GPR39: variants seen among roughly 807,000 people sequenced by gnomAD.
GPR39 encodes zinc sensing receptor.
Under a neutral mutation model 18.4 loss-of-function variants are expected in GPR39, and 23 were observed. The observed-to-expected ratio is 1.25, with a 90% CI of 0.90 to 1.77. The LOEUF (loss-of-function observed/expected upper bound fraction) is 1.77, where lower values mean the gene tolerates loss of function less well. Ranked by LOEUF, GPR39 falls within the 40% of genes most tolerant of loss-of-function variation. The pLI, the probability that GPR39 is intolerant of heterozygous loss-of-function variation, is 0.00. For missense variants in GPR39, 647 were observed against 602.4 expected (o/e 1.07, Z -0.78); for synonymous variants, 280 against 257.9 (o/e 1.09, Z -0.82).
intron 1 of GPR39, among the ~76,000 whole-genome samples, chr2:132,423,491 T>G (rs961190504): frequency 3.3e-5 from 5 of 152,180 alleles, no homozygotes; most frequent in African/African-American, 9.7e-5. Flanking sequence ...CTTAACTGCC[T>G]TATTCCACTG....
intron 1 of GPR39, among the ~76,000 whole-genome samples, chr2:132,442,229 C>T (rs547250477): frequency 2.0e-5 from 3 of 152,236 alleles, no homozygotes; most frequent in South Asian, 2.1e-4. Context: ...AAACACAAAT[C>T]GTGAAACAAA....
At chr2:132,599,338 G>A (rs577548270) in intron 1 of GPR39, among the ~76,000 whole-genome samples, 40 of 152,200 alleles carry the variant, frequency 2.6e-4, no homozygotes, top group African/African-American at 8.2e-4. Flanking sequence ...TGATACCTTT[G>A]TTTCGATGTG....
At chr2:132,449,243 G>GTTTGTTTA (rs1201282447) in intron 1 of GPR39, among the ~76,000 whole-genome samples, 1 of 151,594 alleles carries the variant, frequency 6.6e-6, no homozygotes, top group African/African-American at 2.4e-5. Context: ...TTTTTTGTTT[G>GTTTGTTTA]TTTGTTTGTT....
chr2:132,572,687 AC>A (rs1447658361), intron 1 of GPR39, among the ~76,000 whole-genome samples: 2 of 152,290 alleles, frequency 1.3e-5, no homozygotes, highest in African/African-American at 4.8e-5. Context: ...TCCATCAGGC[AC>A]CATTCTCTCG....
intron 1 of GPR39, among the ~76,000 whole-genome samples, chr2:132,615,400 C>T (rs1331278654): frequency 1.3e-5 from 2 of 152,206 alleles, no homozygotes; most frequent in African/African-American, 2.4e-5. Context: ...GTGCCTTCCT[C>T]GCAGGCATCA....
chr2:132,614,807 C>T (rs1414465247), intron 1 of GPR39, among the ~76,000 whole-genome samples: 2 of 152,154 alleles, frequency 1.3e-5, no homozygotes, highest in East Asian at 3.9e-4. Context: ...TCCCAAAGTG[C>T]TGGGATTACA....
At chr2:132,597,358 C>T (rs1322574970) in intron 1 of GPR39, among the ~76,000 whole-genome samples, 1 of 152,194 alleles carries the variant, frequency 6.6e-6, no homozygotes, top group Non-Finnish European at 1.5e-5. Context: ...TGAGCTTCTC[C>T]CTGGCTCTGG....
chr2:132,520,098 T>C (rs1679395975), intron 1 of GPR39, among the ~76,000 whole-genome samples: 2 of 152,188 alleles, frequency 1.3e-5, no homozygotes, highest in Admixed American at 1.3e-4. Context: ...ATAATTTATA[T>C]TCTTACAACT....
chr2:132,578,955 A>C (rs897173053), intron 1 of GPR39, among the ~76,000 whole-genome samples: 1 of 151,384 alleles, frequency 6.6e-6, no homozygotes, highest in Non-Finnish European at 1.5e-5. Context: ...CAATTTCATT[A>C]ATTTCCTATT....
At chr2:132,643,663 G>C (rs917838849) in intron 1 of GPR39, among the ~76,000 whole-genome samples, 8 of 152,216 alleles carry the variant, frequency 5.3e-5, no homozygotes, top group African/African-American at 1.9e-4. Flanking sequence ...CCACAGGTGT[G>C]TATGTACCAC....
intron 1 of GPR39, among the ~76,000 whole-genome samples, chr2:132,473,230 C>T (rs1017032433): frequency 1.3e-5 from 2 of 152,192 alleles, no homozygotes; most frequent in Non-Finnish European, 2.9e-5. Flanking sequence ...AGAGCAGTGT[C>T]CCAGCATGCT....
intron 1 of GPR39, among the ~76,000 whole-genome samples, chr2:132,530,728 C>T (rs548869262): frequency 3.3e-5 from 5 of 152,270 alleles, no homozygotes. Flanking sequence ...AATTTCCAAC[C>T]CAGAATTTCA....
At chr2:132,557,081 C>A (rs868469828) in intron 1 of GPR39, among the ~76,000 whole-genome samples, 2 of 103,446 alleles carry the variant, frequency 1.9e-5, no homozygotes, top group Non-Finnish European at 3.8e-5. Context: ...TTTGGGAGGC[C>A]AAGGGGGGGG....
At chr2:132,530,959 A>G (rs1396225058) in intron 1 of GPR39, among the ~76,000 whole-genome samples, 1 of 152,226 alleles carries the variant, frequency 6.6e-6, no homozygotes, top group Non-Finnish European at 1.5e-5. Flanking sequence ...CGAGCAAAAT[A>G]ACCAGCTAAC....
chr2:132,492,009 A>G (rs549651207), intron 1 of GPR39, among the ~76,000 whole-genome samples: 33 of 151,494 alleles, frequency 2.2e-4, no homozygotes, highest in African/African-American at 7.8e-4. Context: ...GTAATTATAT[A>G]TATATACACA....
At chr2:132,528,001 G>T (rs1023073986) in intron 1 of GPR39, among the ~76,000 whole-genome samples, 2 of 152,080 alleles carry the variant, frequency 1.3e-5, no homozygotes, top group Admixed American at 6.5e-5. Context: ...TGAAGTCTTT[G>T]CCCATGCCTG....
intron 1 of GPR39, among the ~76,000 whole-genome samples, chr2:132,518,274 C>G (rs1319909587): frequency 1.3e-5 from 2 of 152,162 alleles, no homozygotes; most frequent in African/African-American, 2.4e-5. Flanking sequence ...TGTGAAGGAT[C>G]AAGGTGTTAT....
intron 1 of GPR39, among the ~76,000 whole-genome samples, chr2:132,520,731 G>A (rs777462024): frequency 6.6e-6 from 1 of 152,216 alleles, no homozygotes; most frequent in African/African-American, 2.4e-5. Flanking sequence ...TGCCTGAACA[G>A]TCAGGAGTTT....
intron 1 of GPR39, among the ~76,000 whole-genome samples, chr2:132,564,810 C>CTTTCTTTTTTTTTTT (rs1184406550): frequency 1.0e-5 from 1 of 95,438 alleles, no homozygotes; most frequent in Non-Finnish European, 1.9e-5. Flanking sequence ...TTTCTTTTTT[C>CTTTCTTTTTTTTTTT]TTTTTTTTTT....
Sources: allele counts gnomAD v4.1 joint callset (sites outside exome capture counted in the v4.1 genomes callset), GRCh38; gene constraint gnomAD v4.1.1; transcripts MANE v1.5; gene names NCBI Gene and HGNC (gene_info 2026-07-23, HGNC 2026-07-21).